Variants in TG observed in about 807,000 individuals in gnomAD.
TG encodes the protein thyroid hormones.
In TG, 270 loss-of-function variants were observed where a neutral mutation model predicts 324.7. The observed-to-expected ratio is 0.83, with a 90% confidence interval of 0.75 to 0.92. The LOEUF (loss-of-function observed/expected upper bound fraction) is 0.92. Ranked by LOEUF, TG falls within the 40% of genes least tolerant of loss-of-function variation. The probability of loss-of-function intolerance (pLI) is 0.00; values close to 1 mark genes in which losing one functional copy is unlikely to be tolerated. For synonymous variants in TG, 1,401 were observed against 1,327.0 expected (o/e 1.06, Z -1.21); for missense variants, 3,591 against 3,456.4 (o/e 1.04, Z -0.98).
chr8:133,124,082 A>G (rs950898136), intron 45 of TG, among the ~76,000 whole-genome samples: 1 of 152,364 alleles, frequency 6.6e-6, no homozygotes, highest in Admixed American at 6.5e-5. Context: ...GGTTTCTGGT[A>G]CCAGACATTG....
At chr8:132,957,386 G>A (rs1039012382) in intron 27 of TG, among the ~76,000 whole-genome samples, 8 of 152,132 alleles carry the variant, frequency 5.3e-5, no homozygotes, top group African/African-American at 1.7e-4. Context: ...GAGTGTATAA[G>A]GTGTCAGCTT....
Position 132,908,239 on chromosome 8 carries a change from C to A in TG, c.3901C>A (p.Pro1301Thr), listed in dbSNP as rs753868061. 8.7e-6 allele frequency: 14 copies of A among 1,613,900 alleles called. No homozygotes were observed. In the South Asian group the frequency reaches 1.5e-4, roughly 18 times the overall value. ...QTQGHFQLQL[P>T]PGKMCSADYA... ...CCAAGGGCACTTTCAGCTCCAGCTC[C>A]CGCCGGGCAAGATGTGCAGTGCTGA... Residue 1301 changes from proline (P) to threonine (T), a missense_variant, in exon 18 of 48, where the codon CCG becomes ACG. Transcript: ENST00000220616.
chr8:133,123,838 A>G (rs974731303), intron 45 of TG, among the ~76,000 whole-genome samples: 1 of 152,166 alleles, frequency 6.6e-6, no homozygotes, highest in African/African-American at 2.4e-5. Flanking sequence ...CCTCTTTAAG[A>G]GTTGGTTTTC....
intron 35 of TG, among the ~76,000 whole-genome samples, chr8:132,996,540 A>AT (rs72249018): frequency 2.0e-5 from 3 of 151,588 alleles, no homozygotes; most frequent in Non-Finnish European, 2.9e-5. Context: ...TCTATTGCCA[A>AT]TTTTTTTTTG....
intron 45 of TG, among the ~76,000 whole-genome samples, chr8:133,128,330 A>AAGC (rs1182904454): frequency 1.1e-4 from 10 of 92,282 alleles, no homozygotes; most frequent in African/African-American, 4.1e-4. Context: ...ACTGAAACAA[A>AAGC]AGGCGTGCAC....
At chr8:133,008,301 C>T (rs1485394992) in intron 35 of TG, among the ~76,000 whole-genome samples, 1 of 152,082 alleles carries the variant, frequency 6.6e-6, no homozygotes, top group Non-Finnish European at 1.5e-5. Flanking sequence ...TGATAAAATA[C>T]AGAGTGACTA....
intron 27 of TG, among the ~76,000 whole-genome samples, chr8:132,955,793 G>C (rs1376964861): frequency 6.6e-6 from 1 of 152,176 alleles, no homozygotes; most frequent in East Asian, 1.9e-4. Flanking sequence ...TTAATCTGAG[G>C]GTGTGGATTA....
intron 16 of TG, among the ~76,000 whole-genome samples, chr8:132,904,096 T>C (rs1441384209): frequency 2.0e-5 from 3 of 152,214 alleles, no homozygotes; most frequent in Admixed American, 6.5e-5. Flanking sequence ...CTTCCTGGTG[T>C]TGGGCTTTGG....
intron 43 of TG, among the ~76,000 whole-genome samples, chr8:133,100,319 C>T (rs1342138296): frequency 1.3e-5 from 2 of 152,166 alleles, no homozygotes; most frequent in Non-Finnish European, 2.9e-5. Flanking sequence ...ATCCCTACAT[C>T]CTACACCCTA....
chr8:132,898,941 G>A lies in TG; in HGVS notation c.3330+31G>A, dbSNP rs201258018. 1.7e-4 allele frequency: 275 copies of A among 1,579,936 alleles called. 2 individuals are homozygous for A. In the South Asian group the frequency reaches 2.9e-3, roughly 17 times the overall value. ...GGTCTGGAAGCACAGGATTGGAGCC[G>A]GGACTTGTCCCCGCTGGTCAGAGAT... is the stretch of plus-strand genomic sequence containing the variant. On this transcript the variant is annotated intron_variant, in intron 14 of 47. Transcript: ENST00000220616.
At chr8:132,973,307 C>T (rs548151044) in intron 34 of TG, among the ~76,000 whole-genome samples, 1 of 152,274 alleles carries the variant, frequency 6.6e-6, no homozygotes, top group Admixed American at 6.5e-5. Context: ...ATGGTAGTCC[C>T]ATGGAGGAAA....
In TG at chr8:132,915,438, A is replaced by G. The variant is rs115747758; in HGVS notation, c.4378+2173A>G. On this transcript the variant is annotated intron_variant, in intron 20 of 47. Transcript: ENST00000220616. ...TGTCAACAAGAAGATGGGAGGGGCC[A>G]CTCAGCTCAACTTTGCCTGAAGGGG... 2.1e-3 allele frequency among the ~76,000 whole-genome samples: 320 copies of G among 152,302 alleles called. 1 individual carries two copies. The highest frequency in any genetic ancestry group is 7.5e-3 in the African/African-American group (312 of 41,576).
At chr8:133,085,229 A>G (rs1031886263) in intron 41 of TG, among the ~76,000 whole-genome samples, 22 of 152,240 alleles carry the variant, frequency 1.4e-4, no homozygotes, top group African/African-American at 5.3e-4. Context: ...AAGTTTTTAT[A>G]TATCTATAGA....
At chr8:133,047,680 A>T in intron 41 of TG, 1 of 666,694 alleles carries the variant, frequency 1.5e-6, no homozygotes, top group Non-Finnish European at 2.8e-6. Context: ...TGGCCTCCCC[A>T]GCAGCGTGTG....
chr8:133,051,912 A>G (rs994617934), intron 41 of TG, among the ~76,000 whole-genome samples: 5 of 152,346 alleles, frequency 3.3e-5, no homozygotes, highest in African/African-American at 1.2e-4. Flanking sequence ...TCATTCGGCA[A>G]CTACTTACTG....
chr8:132,964,042 C>A (rs561419408), intron 29 of TG, among the ~76,000 whole-genome samples: 228 of 152,052 alleles, frequency 1.5e-3, no homozygotes, highest in African/African-American at 5.3e-3. Context: ...ATGCCCAGCA[C>A]CCTGCCCTCC....
intron 3 of TG, among the ~76,000 whole-genome samples, chr8:132,870,781 A>G (rs537822514): frequency 6.6e-6 from 1 of 152,122 alleles, no homozygotes; most frequent in Non-Finnish European, 1.5e-5. Context: ...AGCTAGAGAG[A>G]TAGAAGGTGG....
At chr8:132,927,001 G>A (rs116185568) in intron 22 of TG, among the ~76,000 whole-genome samples, 353 of 152,190 alleles carry the variant, frequency 2.3e-3, no homozygotes, top group African/African-American at 8.4e-3. Context: ...TTGCTCACTG[G>A]AAATATTTCC....
chr8:132,970,411 C>T (rs904516820), intron 32 of TG, among the ~76,000 whole-genome samples: 5 of 152,106 alleles, frequency 3.3e-5, no homozygotes, highest in Admixed American at 1.3e-4. Flanking sequence ...TCCTTGGGTC[C>T]TATTTCAAAC....
Sources: allele counts gnomAD v4.1 joint callset (sites outside exome capture counted in the v4.1 genomes callset), GRCh38; gene constraint gnomAD v4.1.1; transcripts MANE v1.5; gene names NCBI Gene and HGNC (gene_info 2026-07-23, HGNC 2026-07-21).